The following UNC13B variants were observed in gnomAD, a reference collection of about 807,000 sequenced individuals.
UNC13B encodes unc-13 homolog B.
A neutral mutation model predicts 211.0 loss-of-function variants in UNC13B; 144 were observed. The ratio of observed to expected loss-of-function variants is 0.68; its 90% confidence interval spans 0.60 to 0.78. The LOEUF (loss-of-function observed/expected upper bound fraction) is 0.78. Ranked by LOEUF, UNC13B falls within the 30% of genes least tolerant of loss-of-function variation. UNC13B has a pLI of 0.00. For missense variants in UNC13B, 1,777 were observed against 2,002.0 expected (o/e 0.89, Z 2.14); for synonymous variants, 709 against 725.8 (o/e 0.98, Z 0.37).
chr9:35,380,611 TG>T lies in UNC13B; in HGVS notation c.10349del (p.Gly3450AlafsTer36). The T allele has an allele frequency of 1.2e-6, 2 of 1,614,216 alleles. No homozygotes were observed. The highest frequency in any genetic ancestry group is 2.2e-5 in the East Asian group (1 of 44,882). On this transcript the variant is annotated frameshift_variant, in exon 18 of 40. Coordinates refer to ENST00000635942, the MANE Select transcript of UNC13B (RefSeq NM_001371189.2). LOFTEE classifies it high-confidence loss of function. The stretch of plus-strand genomic sequence containing the variant: ...CCATCATTGAGGTTCGGACCCTAAG[TG>T]GCGAGATGGACGTCTGGTACAACTT... ...QTIIEVRTLS[G>X]EMDVWYNLEK...
Position 35,352,682 on chromosome 9 carries a change from A to G in UNC13B, c.9415-14265A>G, listed in dbSNP as rs1832790611. On this transcript the variant is annotated intron_variant, in intron 11 of 39. Coordinates refer to ENST00000635942, the MANE Select transcript of UNC13B (RefSeq NM_001371189.2). ...ACTCAAGAACAATTTATCAAAGGAA[A>G]GTGATGTGCCCAAGCTAGGGGATGA... is the stretch of plus-strand genomic sequence containing the variant. 4 of 1,232,096 alleles carry G rather than the reference A, an allele frequency of 3.2e-6. No homozygotes were observed. The South Asian group carries it at 1.6e-4, about 51-fold the overall frequency. The allele number at this position is 1,232,096 out of a possible 1,614,324, so 76.3% of individuals were successfully genotyped here.
intron 13 of UNC13B, 106 bp from the exon 14 acceptor site, chr9:35,375,021 A>G (rs536844980): frequency 2.8e-6 from 3 of 1,087,442 alleles, no homozygotes; most frequent in South Asian, 1.3e-5. Flanking sequence ...AATAGAAAGT[A>G]CTGTAGTAAG....
intron 22 of UNC13B, chr9:35,385,424 G>A (rs953234957): frequency 1.6e-4 from 157 of 985,328 alleles, no homozygotes; most frequent in Non-Finnish European, 1.7e-4. Flanking sequence ...ATGTGTGTAA[G>A]TTTGTGTGTG....
rs993782516 is a variant in UNC13B at position 35,305,555 on chromosome 9, A to G, written c.6151A>G (p.Thr2051Ala). ...ARVRRLNKQTTIDDSRLEEST... is the reference protein window; with the variant it reads ...ARVRRLNKQTAIDDSRLEEST... ...AGTTAGAAGACTGAACAAACAGACT[A>G]CTATCGATGACAGTAGGTTAGAGGA... The change falls in exon 9 of 40, where the codon ACT becomes GCT. Residue 2051 changes from threonine to alanine, a missense_variant. Coordinates refer to ENST00000635942, the MANE Select transcript of UNC13B (RefSeq NM_001371189.2). 2.5e-6 allele frequency: 1 copy of G among 398,868 alleles called. No individual in the cohort carries two copies. Among genetic ancestry groups the G allele is most frequent in the Non-Finnish European group, 4.4e-6 (1 of 226,020 alleles). The allele number at this position is 398,868 out of a possible 1,614,324, so 24.7% of individuals were successfully genotyped here.
intron 7 of UNC13B, among the ~76,000 whole-genome samples, chr9:35,294,838 C>T (rs1050679286): frequency 4.6e-5 from 7 of 152,094 alleles, no homozygotes; most frequent in African/African-American, 1.2e-4. Context: ...CCAAGCACAG[C>T]GATGATTTGT....
chr9:35,226,567 T>A (rs888207525), intron 1 of UNC13B, among the ~76,000 whole-genome samples: 16 of 152,182 alleles, frequency 1.1e-4, no homozygotes, highest in Non-Finnish European at 4.4e-5. Flanking sequence ...GCCTTCAGTC[T>A]GTGGTCAAAG....
intron 1 of UNC13B, among the ~76,000 whole-genome samples, chr9:35,201,507 T>G (rs1587359338): frequency 6.6e-6 from 1 of 152,210 alleles, no homozygotes; most frequent in South Asian, 2.1e-4. Flanking sequence ...GTGCCTCAAT[T>G]TCAGAGCCTG....
At position 35,304,317 on chromosome 9, in the gene UNC13B, G is replaced by A. The variant is rs966126677; in HGVS notation, c.4913G>A (p.Ser1638Asn). ...TTTTCACAAGTACTTAAAGAGTCAA[G>A]TTGTGACCAAAGCGATCAGCCACTA... Reference protein sequence around the residue: ...ETFSQVLKESSCDQSDQPLDF... With the variant: ...ETFSQVLKESNCDQSDQPLDF... The change falls in exon 9 of 40, where the codon AGT becomes AAT. Residue 1638 changes from serine to asparagine, a missense_variant. Physicochemically the swap from Ser to Asn is conservative, Grantham distance 46. Transcript: ENST00000635942. 3.5e-5 allele frequency: 14 copies of A among 398,588 alleles called. No homozygotes were observed. Among genetic ancestry groups the A allele is most frequent in the Non-Finnish European group, 5.3e-5 (12 of 225,882 alleles). The allele number at this position is 398,588 out of a possible 1,614,324, so 24.7% of individuals were successfully genotyped here.
chr9:35,202,979 A>G (rs576086998), intron 1 of UNC13B, among the ~76,000 whole-genome samples: 1 of 151,926 alleles, frequency 6.6e-6, no homozygotes, highest in South Asian at 2.1e-4. Flanking sequence ...TTTTTAGTAG[A>G]GACGGGTTTT....
chr9:35,324,506 A>C (rs1830903574), intron 11 of UNC13B, among the ~76,000 whole-genome samples: 1 of 152,234 alleles, frequency 6.6e-6, no homozygotes, highest in Admixed American at 6.5e-5. Context: ...AATATACTTG[A>C]GAAAAGTCTG....
intron 7 of UNC13B, among the ~76,000 whole-genome samples, chr9:35,283,080 G>A (rs535585848): frequency 6.6e-6 from 1 of 152,132 alleles, no homozygotes; most frequent in South Asian, 2.1e-4. Flanking sequence ...CAATACTATA[G>A]TGAGCAACTT....
intron 15 of UNC13B, 76 bp downstream of exon 15, chr9:35,376,323 G>GGTGAT: frequency 6.9e-7 from 1 of 1,456,050 alleles, no homozygotes; most frequent in Non-Finnish European, 9.4e-7. Context: ...CAAAGAGCTG[G>GGTGAT]GATGGCTGAA....
At chr9:35,358,572 T>C (rs1833185351) in intron 11 of UNC13B, among the ~76,000 whole-genome samples, 1 of 152,180 alleles carries the variant, frequency 6.6e-6, no homozygotes. Context: ...TTTTTTCTTG[T>C]TTTGATTGTG....
intron 1 of UNC13B, among the ~76,000 whole-genome samples, chr9:35,215,936 G>A (rs1362920230): frequency 6.6e-6 from 1 of 152,002 alleles, no homozygotes; most frequent in East Asian, 1.9e-4. Context: ...TAACATTTTT[G>A]TAAATAAATA....
In UNC13B at chr9:35,381,789, T is replaced by C. The variant is rs1241142671; in HGVS notation, c.10655+70T>C. The C allele has an allele frequency of 7.6e-6, 12 of 1,572,056 alleles. No individual in the cohort carries two copies. In the Admixed American group the frequency reaches 2.1e-4, roughly 27 times the overall value. ...GGTGGCTAATTAAGGCACACTGACA[T>C]GGTGGGCAGGTCCTTAGTGAGGTAG... On this transcript the variant is annotated intron_variant, in intron 20 of 39. Coordinates refer to ENST00000635942, the MANE Select transcript of UNC13B (RefSeq NM_001371189.2).
chr9:35,244,099 G>A (rs932447811), intron 6 of UNC13B, among the ~76,000 whole-genome samples: 4 of 152,042 alleles, frequency 2.6e-5, no homozygotes, highest in African/African-American at 7.2e-5. Flanking sequence ...CAGGTAGAGC[G>A]TATGGAGACA....
At chr9:35,361,697 A>G (rs988799088) in intron 11 of UNC13B, 2 of 152,256 alleles carry the variant, frequency 1.3e-5, no homozygotes, top group African/African-American at 2.4e-5. Context: ...ACAAAACAGT[A>G]TTAACAACAT....
At chr9:35,335,194 G>A (rs1831585213) in intron 11 of UNC13B, among the ~76,000 whole-genome samples, 1 of 152,288 alleles carries the variant, frequency 6.6e-6, no homozygotes, top group South Asian at 2.1e-4. Flanking sequence ...TCTTCTCAGA[G>A]GAATTCCCAG....
intron 1 of UNC13B, among the ~76,000 whole-genome samples, chr9:35,199,177 CT>C (rs964649636): frequency 6.6e-6 from 1 of 152,026 alleles, no homozygotes; most frequent in African/African-American, 2.4e-5. Flanking sequence ...TGAACTCATC[CT>C]TTTTTATGGC....
Sources: allele counts gnomAD v4.1 joint callset (sites outside exome capture counted in the v4.1 genomes callset), GRCh38; gene constraint gnomAD v4.1.1; transcripts MANE v1.5; gene names NCBI Gene and HGNC (gene_info 2026-07-23, HGNC 2026-07-21).